Variants in EVC2 observed in about 807,000 individuals in gnomAD.
EVC2 encodes EvC ciliary complex subunit 2.
A neutral mutation model predicts 149.3 loss-of-function variants in EVC2; 148 were observed. The observed-to-expected ratio is 0.99, with a 90% CI of 0.87 to 1.14. The LOEUF (loss-of-function observed/expected upper bound fraction) is 1.14, where lower values mean the gene tolerates loss of function less well. EVC2 is among the 50% of genes most tolerant of loss of function. EVC2 has a pLI of 0.00. For missense variants in EVC2, 1,854 were observed against 1,627.3 expected, an observed-to-expected ratio of 1.14 and a Z score of -2.40; for synonymous variants, 776 against 649.9, an observed-to-expected ratio of 1.19 and a Z score of -2.95.
chr4:5,650,670 G>GAGAGAGAT (rs1718070731), intron 9 of EVC2, among the ~76,000 whole-genome samples: 1 of 133,040 alleles, frequency 7.5e-6, no homozygotes, highest in Non-Finnish European at 1.6e-5. Context: ...GAGAGAGAGA[G>GAGAGAGAT]AGCCATTTAA....
intron 19 of EVC2, among the ~76,000 whole-genome samples, chr4:5,571,255 T>A (rs1722627031): frequency 1.4e-5 from 2 of 145,200 alleles, no homozygotes. Flanking sequence ...GAGGTGGAGG[T>A]TGCAGTGAGC....
At position 5,608,861 on chromosome 4, in the gene EVC2, T is replaced by G. The variant is rs114240510; in HGVS notation, c.2829+6561A>C. The stretch of plus-strand genomic sequence containing the variant: ...AGAGATGAGTATCTGAATCAGCAGA[T>G]AGTAGAGATTACCCTCCCCAATGTT... On this transcript the variant is annotated intron_variant, in intron 16 of 21. Transcript: ENST00000344408. Among the ~76,000 whole-genome samples the G allele has an allele frequency of 9.1e-3, 1,382 of 152,254 alleles. 25 individuals carry two copies. The highest frequency in any genetic ancestry group is 0.031 in the African/African-American group (1,294 of 41,538).
chr4:5,648,686 G>C (rs535647504), intron 9 of EVC2, among the ~76,000 whole-genome samples: 2 of 152,162 alleles, frequency 1.3e-5, no homozygotes, highest in African/African-American at 2.4e-5. Flanking sequence ...CTGCAGAATA[G>C]AGTCAGGGCC....
At chr4:5,602,102 C>A (rs775894754) in intron 16 of EVC2, among the ~76,000 whole-genome samples, 13 of 151,728 alleles carry the variant, frequency 8.6e-5, no homozygotes, top group Non-Finnish European at 1.9e-4. Flanking sequence ...TAGTGAGAAA[C>A]CTGTCCCTAT....
intron 21 of EVC2, among the ~76,000 whole-genome samples, chr4:5,545,800 A>C (rs143721459): frequency 0.016 from 2,438 of 152,334 alleles, 34 homozygotes; most frequent in South Asian, 0.033. Context: ...CATTACAAAT[A>C]AAAATCCATT....
At chr4:5,629,587 C>T (rs563488482) in intron 11 of EVC2, among the ~76,000 whole-genome samples, 70 of 152,334 alleles carry the variant, frequency 4.6e-4, no homozygotes, top group African/African-American at 1.5e-3. Context: ...AAAGTGTCAA[C>T]GCTTTGTTCA....
chr4:5,621,363 A>G (rs781019058), intron 14 of EVC2, among the ~76,000 whole-genome samples: 9 of 152,236 alleles, frequency 5.9e-5, no homozygotes, highest in Non-Finnish European at 8.8e-5. Flanking sequence ...GTACTGCCAA[A>G]ATCACCTAAA....
chr4:5,706,309 G>A (rs1192115852), intron 1 of EVC2, among the ~76,000 whole-genome samples: 1 of 103,680 alleles, frequency 9.6e-6, no homozygotes, highest in South Asian at 2.8e-4. Flanking sequence ...TAGATACATA[G>A]ATAGATAGAT....
chr4:5,614,846 G>A lies in EVC2; in HGVS notation c.2829+576C>T, dbSNP rs543083880. Among the ~76,000 whole-genome samples, 3 of 152,074 alleles carry A rather than the reference G, an allele frequency of 2.0e-5. No individual in the cohort carries two copies. The South Asian group carries it at 6.2e-4, about 32-fold the overall frequency. ...TACAAAAATTAGCAGGTGTGATGGT[G>A]GGTGCCTGTAATCCCAGCTACTCGG... On this transcript the variant is annotated intron_variant, in intron 16 of 21. Coordinates refer to ENST00000344408, the MANE Select transcript of EVC2 (RefSeq NM_147127.5). The surrounding 1 kb of genome is among the most constrained non-coding windows in gnomAD (Gnocchi z 4.7).
intron 16 of EVC2, among the ~76,000 whole-genome samples, chr4:5,596,148 T>C (rs972728680): frequency 1.3e-5 from 2 of 152,050 alleles, no homozygotes; most frequent in Non-Finnish European, 1.5e-5. Flanking sequence ...CTGTCAACAT[T>C]AGACATATCA....
At chr4:5,592,576 G>C (rs773055491) in intron 16 of EVC2, among the ~76,000 whole-genome samples, 1 of 152,228 alleles carries the variant, frequency 6.6e-6, no homozygotes, top group Non-Finnish European at 1.5e-5. Flanking sequence ...GGGAACAGCA[G>C]TCTCCCAACA....
At chr4:5,547,628 G>T (rs1346402084) in intron 21 of EVC2, among the ~76,000 whole-genome samples, 1 of 152,158 alleles carries the variant, frequency 6.6e-6, no homozygotes, top group Non-Finnish European at 1.5e-5. Flanking sequence ...CTGCAGAGAG[G>T]AGCTACCCAC....
intron 9 of EVC2, among the ~76,000 whole-genome samples, chr4:5,659,805 A>G (rs947967010): frequency 3.9e-5 from 6 of 152,364 alleles, no homozygotes; most frequent in African/African-American, 1.4e-4. Context: ...ATAAAAAACA[A>G]AAACAGGAGG....
At chr4:5,708,211 CT>C in intron 1 of EVC2, 74 bp downstream of exon 1, 1 of 1,300,770 alleles carries the variant, frequency 7.7e-7, no homozygotes, top group Non-Finnish European at 1.0e-6. Context: ...ACTAAGGGTC[CT>C]CCCTGCCACC....
At chr4:5,598,087 G>C (rs1003831339) in intron 16 of EVC2, among the ~76,000 whole-genome samples, 1 of 148,794 alleles carries the variant, frequency 6.7e-6, no homozygotes, top group Admixed American at 6.7e-5. Context: ...AGAAATGGAA[G>C]AACATTCCAT....
intron 7 of EVC2, among the ~76,000 whole-genome samples, chr4:5,676,907 A>T (rs1307508828): frequency 6.6e-6 from 1 of 151,860 alleles, no homozygotes; most frequent in Non-Finnish European, 1.5e-5. Context: ...AGGCAACCCG[A>T]GTGTCCATGC....
chr4:5,582,752 G>A (rs1577115700), intron 17 of EVC2, among the ~76,000 whole-genome samples: 2 of 152,118 alleles, frequency 1.3e-5, no homozygotes, highest in Non-Finnish European at 2.9e-5. Context: ...GAGCTTGGTG[G>A]GAGGTGACTG....
chr4:5,677,851 T>G lies in EVC2; in HGVS notation c.870+3409A>C, dbSNP rs1038830700. 1.3e-5 allele frequency among the ~76,000 whole-genome samples: 2 copies of G among 152,202 alleles called. No homozygotes were observed. The highest frequency in any genetic ancestry group is 4.8e-5 in the African/African-American group (2 of 41,466). ...AGACCACCAGAAGACTGGTTACCAG[T>G]GCACCCGACAGCCTCACTAAACTGA... On this transcript the variant is annotated intron_variant, in intron 7 of 21. Transcript: ENST00000344408. This position sits in a 1 kb window ranked among gnomAD's most constrained non-coding sequence, Gnocchi z 4.3.
intron 16 of EVC2, among the ~76,000 whole-genome samples, chr4:5,592,830 G>A (rs906729047): frequency 6.6e-5 from 10 of 152,256 alleles, no homozygotes; most frequent in South Asian, 6.2e-4. Flanking sequence ...TGAACAGCCC[G>A]CCCCAAGGGA....
Sources: gnomAD v4.1 joint callset for allele counts (sites outside exome capture counted in the v4.1 genomes callset) on GRCh38, gnomAD v4.1.1 for gene constraint, Gnocchi (gnomAD v3.1) non-coding constraint, MANE v1.5 for transcripts, NCBI Gene and HGNC (gene_info 2026-07-23, HGNC 2026-07-21) for gene names.